Variants in CEP128 observed in about 807,000 individuals in gnomAD.
CEP128 encodes centrosomal protein 128.
In CEP128, 132 loss-of-function variants were observed where a neutral mutation model predicts 156.7. The observed-to-expected ratio is 0.84, with a 90% CI of 0.73 to 0.97. CEP128 has a LOEUF of 0.97. Ranked by LOEUF, CEP128 falls within the 50% of genes least tolerant of loss-of-function variation. The pLI, the probability that CEP128 is intolerant of heterozygous loss-of-function variation, is 0.00. For missense variants in CEP128, 1,252 were observed against 1,281.9 expected, an observed-to-expected ratio of 0.98 and a Z score of 0.36; for synonymous variants, 469 against 448.9, an observed-to-expected ratio of 1.04 and a Z score of -0.57.
chr14:80,916,606 C>A, intron 2 of CEP128, 44 bp from the exon 3 acceptor site: 1 of 1,489,258 alleles, frequency 6.7e-7, no homozygotes, highest in South Asian at 1.2e-5. Flanking sequence ...CAGTAAAAAG[C>A]ATGGAAATAA....
At chr14:80,812,189 A>G (rs1344391008) in intron 13 of CEP128, among the ~76,000 whole-genome samples, 1 of 152,196 alleles carries the variant, frequency 6.6e-6, no homozygotes, top group Admixed American at 6.5e-5. Flanking sequence ...GGCTCAGGAT[A>G]ATGGCCTCCA....
intron 21 of CEP128, among the ~76,000 whole-genome samples, chr14:80,556,483 C>G (rs1333732356): frequency 6.6e-6 from 1 of 152,038 alleles, no homozygotes; most frequent in Non-Finnish European, 1.5e-5. Context: ...GTTTCTAATC[C>G]AAGGAGCTTA....
chr14:80,884,771 T>A (rs1039499999), intron 8 of CEP128, among the ~76,000 whole-genome samples: 27 of 152,098 alleles, frequency 1.8e-4, no homozygotes, highest in African/African-American at 5.6e-4. Context: ...GAGTTTTTCT[T>A]TTGTAGCCCA....
intron 8 of CEP128, among the ~76,000 whole-genome samples, chr14:80,863,554 T>A (rs1358931817): frequency 6.6e-6 from 1 of 152,200 alleles, no homozygotes; most frequent in East Asian, 1.9e-4. Flanking sequence ...AAAAGTTGCA[T>A]AAATTCAAAC....
chr14:80,634,186 T>C (rs1191336891), intron 19 of CEP128, among the ~76,000 whole-genome samples: 3 of 152,220 alleles, frequency 2.0e-5, no homozygotes. Flanking sequence ...GTGTTTAAGA[T>C]GTACTTGTTA....
chr14:80,657,523 C>T (rs140047305), intron 19 of CEP128, among the ~76,000 whole-genome samples: 2,714 of 151,566 alleles, frequency 0.018, 30 homozygotes, highest in Non-Finnish European at 0.027. Context: ...TGGTGGTGCG[C>T]GCCTGTAATC....
At chr14:80,594,709 A>T (rs896701157) in intron 19 of CEP128, among the ~76,000 whole-genome samples, 2 of 152,240 alleles carry the variant, frequency 1.3e-5, no homozygotes, top group Non-Finnish European at 2.9e-5. Flanking sequence ...CAGCCAACAA[A>T]TATATGAAAA....
chr14:80,893,194 G>A (rs554060163), intron 8 of CEP128, among the ~76,000 whole-genome samples: 2 of 151,996 alleles, frequency 1.3e-5, no homozygotes, highest in South Asian at 2.1e-4. Flanking sequence ...TAGGTCTGGA[G>A]GACATTATGC....
At chr14:80,801,314 C>T (rs544186686) in intron 13 of CEP128, among the ~76,000 whole-genome samples, 1 of 152,058 alleles carries the variant, frequency 6.6e-6, no homozygotes, top group African/African-American at 2.4e-5. Flanking sequence ...TGTCTTGTAC[C>T]GGTTTTCAAA....
Position 80,526,997 on chromosome 14 carries a change from A to G in CEP128, c.2959-15T>C. On this transcript the variant is annotated splice_polypyrimidine_tract_variant and intron_variant, in intron 22 of 24. Transcript: ENST00000555265. Reference sequence around the variant, plus strand: ...CTGCAGGAATCCTGGAAAAAAAAAAAAGCAAAGGGTCTGAACTGGTAGATG... The same window carrying G: ...CTGCAGGAATCCTGGAAAAAAAAAAGAGCAAAGGGTCTGAACTGGTAGATG... The G allele has an allele frequency of 7.3e-7, 1 of 1,369,858 alleles. No homozygotes were observed. The allele number at this position is 1,369,858 out of a possible 1,614,324, so 84.9% of individuals were successfully genotyped here. A position where few individuals can be genotyped will look rare whatever the true frequency, so the allele number is the denominator to read the frequency against.
chr14:80,793,509 T>C (rs905398757), intron 13 of CEP128, among the ~76,000 whole-genome samples: 2 of 152,150 alleles, frequency 1.3e-5, no homozygotes, highest in East Asian at 1.9e-4. Context: ...CAATCATATA[T>C]AACATTTTGC....
At chr14:80,656,312 T>C (rs1176376510) in intron 19 of CEP128, among the ~76,000 whole-genome samples, 1 of 14,202 alleles carries the variant, frequency 7.0e-5, no homozygotes, top group Non-Finnish European at 1.4e-4. Context: ...TATATATATA[T>C]ATATATATAT....
rs185784545 is a variant in CEP128 at position 80,481,821 on chromosome 14, T to G, written c.*311-3414A>C. On this transcript the variant is annotated intron_variant and NMD_transcript_variant, in intron 14 of 14. Coordinates refer to the CEP128 transcript ENST00000554502. Reference sequence around the variant, plus strand: ...TCCATTTAGATGTATGTGATCCTAGTTCACCTTAAATAGCCCAATTCCTAC... The same window carrying G: ...TCCATTTAGATGTATGTGATCCTAGGTCACCTTAAATAGCCCAATTCCTAC... Among the ~76,000 whole-genome samples the G allele has an allele frequency of 1.8e-3, 271 of 152,356 alleles. 1 individual carries two copies. The highest frequency in any genetic ancestry group is 3.4e-3 in the Middle Eastern group (1 of 294).
intron 13 of CEP128, among the ~76,000 whole-genome samples, chr14:80,820,368 T>A (rs1040873284): frequency 6.6e-6 from 1 of 152,220 alleles, no homozygotes; most frequent in Admixed American, 6.5e-5. Flanking sequence ...CATATCTTCC[T>A]CCCTAAAACA....
intron 19 of CEP128, among the ~76,000 whole-genome samples, chr14:80,608,985 T>C (rs1892891980): frequency 6.6e-6 from 1 of 152,180 alleles, no homozygotes; most frequent in South Asian, 2.1e-4. Flanking sequence ...AAATATTGAC[T>C]ATAGGAATGC....
chr14:80,889,554 C>A (rs994399374), intron 8 of CEP128, among the ~76,000 whole-genome samples: 1 of 152,140 alleles, frequency 6.6e-6, no homozygotes, highest in African/African-American at 2.4e-5. Context: ...ATAAATGGTG[C>A]TGGGAAAACT....
downstream of CEP128, among the ~76,000 whole-genome samples, chr14:80,486,863 C>T (rs1309286389): frequency 6.6e-6 from 1 of 152,098 alleles, no homozygotes; most frequent in Admixed American, 6.6e-5. Flanking sequence ...CCCTAAATAG[C>T]TCCTGAAGGA....
chr14:80,573,142 C>G (rs541096664), intron 20 of CEP128, among the ~76,000 whole-genome samples: 2 of 150,222 alleles, frequency 1.3e-5, no homozygotes, highest in Admixed American at 6.6e-5. Flanking sequence ...TCAGGCTGGT[C>G]TCAAACTCCT....
chr14:80,876,511 C>T (rs757463381), intron 8 of CEP128, among the ~76,000 whole-genome samples: 2 of 151,436 alleles, frequency 1.3e-5, no homozygotes, highest in African/African-American at 2.4e-5. Flanking sequence ...GCAAGAGAAT[C>T]GCGTGAAACT....
Sources: gnomAD v4.1 joint callset for allele counts (sites outside exome capture counted in the v4.1 genomes callset) on GRCh38, gnomAD v4.1.1 for gene constraint, MANE v1.5 for transcripts, NCBI Gene and HGNC (gene_info 2026-07-23, HGNC 2026-07-21) for gene names.